The following DDB1 variants were observed in gnomAD, a reference collection of about 807,000 sequenced individuals.
The protein encoded by DDB1 is DNA damage-binding protein 1.
In DDB1, 18 loss-of-function variants were observed where a neutral mutation model predicts 133.1. The ratio of observed to expected loss-of-function variants is 0.14; its 90% CI spans 0.09 to 0.20. DDB1 has a LOEUF of 0.20. DDB1 is among the 10% of genes least tolerant of loss of function. DDB1 has a pLI of 1.00. For synonymous variants in DDB1, 580 were observed against 550.5 expected (o/e 1.05, Z -0.75); for missense variants, 828 against 1,459.2 (o/e 0.57, Z 7.05).
At chr11:61,318,094 A>G (rs1033360874) in intron 10 of DDB1, among the ~76,000 whole-genome samples, 4 of 152,208 alleles carry the variant, frequency 2.6e-5, no homozygotes, top group Non-Finnish European at 4.4e-5. Context: ...CAAATATAAA[A>G]TAGTCTATCA....
rs571745576 is a variant in DDB1 at position 61,314,114 on chromosome 11, C to T, written c.1686G>A (p.Thr562=). The change falls in exon 14 of 27, where the codon ACG becomes ACA. Residue 562 remains threonine, a synonymous_variant. Transcript: ENST00000301764. ...LSPLCAIGLW[T]DISARILKLP... is the part of the protein sequence containing the mutation. ...ACTTCAAGATACGAGCCGAGATGTC[C>T]GTCCAGAGGCCAATGGCACAAAGAG... The T allele has an allele frequency of 3.1e-6, 5 of 1,614,096 alleles. No individual in the cohort carries two copies. The highest frequency in any genetic ancestry group is 2.2e-5 in the East Asian group (1 of 44,882).
chr11:61,314,614 C>G, intron 12 of DDB1, 128 bp from the exon 13 acceptor site: 1 of 939,204 alleles, frequency 1.1e-6, no homozygotes, highest in Non-Finnish European at 1.6e-6. Flanking sequence ...ATTTCTTATT[C>G]CCCAAAGTCC....
intron 16 of DDB1, among the ~76,000 whole-genome samples, chr11:61,312,506 C>CTTTTTT (rs954501705): frequency 3.3e-5 from 4 of 120,078 alleles, no homozygotes; most frequent in Admixed American, 8.2e-5. Context: ...CTCTCTCTCT[C>CTTTTTT]TTTTTTTTTT....
chr11:61,326,934 G>A (rs753356099), intron 4 of DDB1, 41 bp from the exon 5 acceptor site: 7 of 1,485,044 alleles, frequency 4.7e-6, no homozygotes, highest in Middle Eastern at 1.7e-4. Context: ...TAGGAAGGGT[G>A]AGCCTTGGGC....
intron 6 of DDB1, among the ~76,000 whole-genome samples, chr11:61,324,803 A>G (rs746807702): frequency 5.3e-5 from 8 of 152,190 alleles, no homozygotes; most frequent in Non-Finnish European, 8.8e-5. Flanking sequence ...TAATTTATCA[A>G]TATATTACTT....
chr11:61,308,783 T>C (rs1241666471), intron 21 of DDB1, among the ~76,000 whole-genome samples, 200 bp downstream of exon 21: 2 of 152,132 alleles, frequency 1.3e-5, no homozygotes, highest in African/African-American at 2.4e-5. Flanking sequence ...CTGAAACACA[T>C]GGGGGTTCAC....
intron 12 of DDB1, chr11:61,315,795 G>A (rs968327198): frequency 6.5e-6 from 1 of 153,036 alleles, no homozygotes; most frequent in African/African-American, 2.4e-5. Context: ...TAGATTGAAA[G>A]TAAGGATCAG....
intron 21 of DDB1, among the ~76,000 whole-genome samples, chr11:61,305,368 A>G (rs1476298283): frequency 6.6e-6 from 1 of 152,042 alleles, no homozygotes; most frequent in African/African-American, 2.4e-5. Flanking sequence ...TCAGCTGGGC[A>G]TTGTGACGTG....
intron 10 of DDB1, among the ~76,000 whole-genome samples, chr11:61,319,882 G>T (rs1856150239): frequency 6.6e-6 from 1 of 152,208 alleles, no homozygotes; most frequent in South Asian, 2.1e-4. Context: ...AGTACTTGGT[G>T]TGTCTTTTTC....
intron 11 of DDB1, 46 bp downstream of exon 11, chr11:61,316,446 C>T: frequency 2.5e-6 from 4 of 1,613,880 alleles, no homozygotes; most frequent in South Asian, 2.2e-5. Flanking sequence ...CCCCACCTCA[C>T]AACCTTCTCA....
intron 25 of DDB1, chr11:61,301,281 C>T (rs935844705): frequency 4.8e-5 from 10 of 206,416 alleles, no homozygotes; most frequent in African/African-American, 2.1e-4. Flanking sequence ...ATAGAGGGGT[C>T]AGTGTGGTGG....
At position 61,311,394 on chromosome 11, in the gene DDB1, A is replaced by G. The variant is rs188978980; in HGVS notation, c.2277+390T>C. On this transcript the variant is annotated intron_variant, in intron 18 of 26. Transcript: ENST00000301764. ...AACATAACATAAAACATAACATAAC[A>G]TAACATAACATAAACCCAGTAGGCA... 634 of 195,100 alleles carry G rather than the reference A, an allele frequency of 3.2e-3. 2 individuals are homozygous for G. The highest frequency in any genetic ancestry group is 0.014 in the African/African-American group (592 of 42,542). 12.1% of individuals were successfully genotyped at this position (195,100 alleles called of 1,614,324 possible). A position where few individuals can be genotyped will look rare whatever the true frequency, so the allele number is the denominator to read the frequency against.
chr11:61,323,348 G>A (rs944450417), intron 7 of DDB1: 33 of 485,450 alleles, frequency 6.8e-5, no homozygotes, highest in African/African-American at 6.0e-4. Flanking sequence ...AAAAGATACT[G>A]CCTAAGTATT....
chr11:61,325,364 C>T (rs976016194), intron 6 of DDB1, among the ~76,000 whole-genome samples: 2 of 152,048 alleles, frequency 1.3e-5, no homozygotes, highest in Non-Finnish European at 2.9e-5. Context: ...AAAAAGTTGC[C>T]CCAGTCAATG....
chr11:61,312,584 A>G (rs937265854), intron 16 of DDB1, among the ~76,000 whole-genome samples: 19 of 142,338 alleles, frequency 1.3e-4, no homozygotes, highest in Middle Eastern at 7.5e-3. Context: ...ATCTAAGCTC[A>G]CTGCAACCTC....
chr11:61,321,875 C>T (rs1856185544), intron 9 of DDB1, 178 bp from the exon 10 acceptor site: 1 of 614,086 alleles, frequency 1.6e-6, no homozygotes, highest in Non-Finnish European at 2.9e-6. Flanking sequence ...ACAGAGCAGA[C>T]AGGACATCCT....
chr11:61,332,089 T>C, intron 1 of DDB1: 1 of 164,342 alleles, frequency 6.1e-6, no homozygotes, highest in Middle Eastern at 3.0e-3. Flanking sequence ...AAAACTTTTA[T>C]CTGACAGACC....
rs28720286 is a variant in DDB1, at chr11:61,323,130, T to C, written c.922-36A>G. ...GTCAGCAACGTGAAAGAAATGAGAA[T>C]GGACCCTACGTGGGATCCAGATACT... On this transcript the variant is annotated intron_variant, in intron 7 of 26. Transcript: ENST00000301764. 6.1e-5 allele frequency: 96 copies of C among 1,570,396 alleles called. No individual in the cohort carries two copies. In the East Asian group the frequency reaches 6.9e-4, roughly 11 times the overall value.
intron 5 of DDB1, 46 bp from the exon 6 acceptor site, chr11:61,325,754 G>C (rs1856259248): frequency 2.7e-6 from 4 of 1,506,482 alleles, no homozygotes; most frequent in Non-Finnish European, 3.7e-6. Flanking sequence ...CTCTGGGTCT[G>C]CCAAACCAGG....
Sources: gnomAD v4.1 joint callset for allele counts (sites outside exome capture counted in the v4.1 genomes callset) on GRCh38, gnomAD v4.1.1 for gene constraint, MANE v1.5 for transcripts, NCBI Gene and HGNC (gene_info 2026-07-23, HGNC 2026-07-21) for gene names.